TEX11: variants seen among roughly 807,000 people sequenced by gnomAD.
TEX11 encodes the protein testis expressed 11, also known as testis-expressed protein 11.
In TEX11, 7 loss-of-function variants were observed where a neutral mutation model predicts 84.4. The ratio of observed to expected loss-of-function variants is 0.08; its 90% CI spans 0.05 to 0.16. The LOEUF (loss-of-function observed/expected upper bound fraction) is 0.16. TEX11 is among the 10% of genes least tolerant of loss of function. The pLI is 1.00. For synonymous variants in TEX11, 264 were observed against 222.8 expected (o/e 1.18, Z -1.64); for missense variants, 551 against 660.5 (o/e 0.83, Z 1.82).
chrX:70,649,565 A>G (rs2089787894), intron 17 of TEX11, among the ~76,000 whole-genome samples: 2 of 112,136 alleles, frequency 1.8e-5, no homozygotes, highest in South Asian at 7.5e-4. Context: ...TATTTACCAT[A>G]TAAGTCCACA....
chrX:70,710,730 C>T (rs1249504957), intron 13 of TEX11, among the ~76,000 whole-genome samples: 1 of 110,595 alleles, frequency 9.0e-6, no homozygotes, highest in East Asian at 2.8e-4. Flanking sequence ...ATCATATACA[C>T]ATTAAAGTTT....
At chrX:70,533,144 C>T (rs762050363) in intron 28 of TEX11, among the ~76,000 whole-genome samples, 12 of 111,941 alleles carry the variant, frequency 1.1e-4, no homozygotes, top group Admixed American at 5.7e-4. Flanking sequence ...TTTAGATGGA[C>T]GGATGTAAGA....
At chrX:70,803,833 G>A (rs1331398031) in intron 9 of TEX11, among the ~76,000 whole-genome samples, 1 of 111,337 alleles carries the variant, frequency 9.0e-6, no homozygotes, top group Non-Finnish European at 1.9e-5. Context: ...TTAACATGTG[G>A]ATATAAAGCA....
intron 15 of TEX11, among the ~76,000 whole-genome samples, chrX:70,676,434 T>C (rs768024113): frequency 2.7e-5 from 3 of 112,423 alleles, no homozygotes; most frequent in Non-Finnish European, 5.6e-5. Context: ...CACTGAGTTC[T>C]TGCTTGCATT....
At chrX:70,657,243 G>A (rs1603200290) in intron 16 of TEX11, among the ~76,000 whole-genome samples, 2 of 111,157 alleles carry the variant, frequency 1.8e-5, no homozygotes, top group South Asian at 7.6e-4. Flanking sequence ...CCAAAAGACA[G>A]AGAGAAGCAG....
intron 23 of TEX11, 38 bp downstream of exon 23, chrX:70,606,921 G>T: frequency 1.1e-6 from 1 of 948,281 alleles, no homozygotes; most frequent in African/African-American, 1.9e-5. Flanking sequence ...TAGCCTTGTT[G>T]TGGTCCATAC....
At chrX:70,819,603 A>G (rs1020168337) in intron 8 of TEX11, among the ~76,000 whole-genome samples, 2 of 111,436 alleles carry the variant, frequency 1.8e-5, no homozygotes, top group Non-Finnish European at 3.8e-5. Context: ...GGAAAGAAAA[A>G]GAAAAAAGCA....
rs146922877 is a variant in TEX11, at chrX:70,636,150, C to T, written c.1484-6415G>A. Among the ~76,000 whole-genome samples the T allele has an allele frequency of 1.3e-3, 146 of 110,451 alleles. 6 individuals carry two copies. In the East Asian group the frequency reaches 0.041, roughly 31 times the overall value. ...CCAGGCTAGCATACACACATCCATC[C>T]CCCAGGCTGGCCCCCACAGACCCAG... is the stretch of plus-strand genomic sequence containing the variant. On this transcript the variant is annotated intron_variant, in intron 17 of 29. Transcript: ENST00000374333.
At chrX:70,641,029 C>G (rs1201535671) in intron 17 of TEX11, among the ~76,000 whole-genome samples, 1 of 110,409 alleles carries the variant, frequency 9.1e-6, no homozygotes, top group African/African-American at 3.3e-5. Context: ...ACCCATCTCA[C>G]TTGCAGAGAC....
chrX:70,629,548 TATTA>T, intron 18 of TEX11, 59 bp downstream of exon 18: 4 of 1,129,580 alleles, frequency 3.5e-6, no homozygotes. Context: ...ATAATGATTC[TATTA>T]ATTGTCTTTC....
chrX:70,848,116 C>T (rs149256902), intron 7 of TEX11, among the ~76,000 whole-genome samples: 1 of 111,869 alleles, frequency 8.9e-6, no homozygotes, highest in East Asian at 2.8e-4. Flanking sequence ...ATTCTAAACA[C>T]GATTACAGGT....
intron 13 of TEX11, among the ~76,000 whole-genome samples, chrX:70,706,896 T>C (rs1396999149): frequency 9.0e-6 from 1 of 111,528 alleles, no homozygotes; most frequent in Non-Finnish European, 1.9e-5. Context: ...CTATCCTATT[T>C]GGAAACCTTC....
intron 23 of TEX11, among the ~76,000 whole-genome samples, chrX:70,606,347 G>A (rs748376393): frequency 8.9e-6 from 1 of 111,910 alleles, no homozygotes; most frequent in East Asian, 2.8e-4. Context: ...GTGTATGAAG[G>A]ATATTCTTTA....
At chrX:70,548,554 T>C (rs1327270249) in intron 28 of TEX11, among the ~76,000 whole-genome samples, 2 of 111,539 alleles carry the variant, frequency 1.8e-5, no homozygotes, top group African/African-American at 3.3e-5. Flanking sequence ...ACCCCTCTCC[T>C]ATGCCCCAAC....
In TEX11 at chrX:70,632,312, G is replaced by A. The variant is rs749718588; in HGVS notation, c.1484-2577C>T. On this transcript the variant is annotated intron_variant, in intron 17 of 29. Transcript: ENST00000374333. The stretch of plus-strand genomic sequence containing the variant: ...GGAACTCAAAGAAAGCAGAAGAATG[G>A]ATATGATAAAGATCAGAACGTAAAT... Among the ~76,000 whole-genome samples, 15 of 111,408 alleles carry A rather than the reference G, an allele frequency of 1.3e-4. No individual in the cohort carries two copies. The Admixed American group carries it at 1.4e-3, about 11-fold the overall frequency.
intron 9 of TEX11, among the ~76,000 whole-genome samples, chrX:70,804,432 TATG>T (rs1195390182): frequency 1.8e-5 from 2 of 112,292 alleles, no homozygotes; most frequent in Non-Finnish European, 3.8e-5. Context: ...GACATTAAAA[TATG>T]ATAATTCCTT....
intron 4 of TEX11, among the ~76,000 whole-genome samples, chrX:70,866,664 G>A (rs1182383910): frequency 3.6e-5 from 4 of 111,344 alleles, no homozygotes; most frequent in Admixed American, 9.6e-5. Context: ...CTGGCAAATC[G>A]AATCCAGCAG....
At chrX:70,635,894 G>A (rs1214989149) in intron 17 of TEX11, among the ~76,000 whole-genome samples, 1 of 111,247 alleles carries the variant, frequency 9.0e-6, no homozygotes, top group Non-Finnish European at 1.9e-5. Flanking sequence ...CTGGCCATAG[G>A]TACGAGGCTA....
At chrX:70,770,029 T>C (rs1487744104) in intron 9 of TEX11, among the ~76,000 whole-genome samples, 7 of 111,601 alleles carry the variant, frequency 6.3e-5, no homozygotes, top group Non-Finnish European at 9.4e-5. Flanking sequence ...GATATTGTGG[T>C]ACATAGTAGT....
Sources: allele counts gnomAD v4.1 joint callset (sites outside exome capture counted in the v4.1 genomes callset), GRCh38; gene constraint gnomAD v4.1.1; transcripts MANE v1.5; gene names NCBI Gene and HGNC (gene_info 2026-07-23, HGNC 2026-07-21).